The following GTF2IRD1 variants were observed in gnomAD, a reference collection of about 807,000 sequenced individuals.
GTF2IRD1 encodes general transcription factor II-I repeat domain-containing protein 1.
GTF2IRD1 carries 26 observed loss-of-function variants against 113.2 expected under a neutral mutation model. The observed-to-expected ratio is 0.23, with a 90% CI of 0.17 to 0.32. The LOEUF (loss-of-function observed/expected upper bound fraction) is 0.32, where lower values mean the gene tolerates loss of function less well. GTF2IRD1 is among the 10% of genes least tolerant of loss of function. The probability of loss-of-function intolerance (pLI) is 1.00; values close to 1 mark genes in which losing one functional copy is unlikely to be tolerated. For synonymous variants in GTF2IRD1, 484 were observed against 529.1 expected, an observed-to-expected ratio of 0.91 and a Z score of 1.17; for missense variants, 864 against 1,280.8, an observed-to-expected ratio of 0.67 and a Z score of 4.97.
chr7:74,466,501 G>A (rs1292037198), intron 1 of GTF2IRD1, among the ~76,000 whole-genome samples: 1 of 152,158 alleles, frequency 6.6e-6, no homozygotes, highest in African/African-American at 2.4e-5. Context: ...CAGCCACGAT[G>A]AGCCTCATCG....
At chr7:74,543,872 C>CAAAAAAAAAAAAAAAA (rs782039486) in intron 14 of GTF2IRD1, among the ~76,000 whole-genome samples, 1 of 34,590 alleles carries the variant, frequency 2.9e-5, no homozygotes, top group Non-Finnish European at 6.2e-5. Flanking sequence ...CCCATCTCTA[C>CAAAAAAAAAAAAAAAA]AAAAAAAAAA....
At chr7:74,487,937 C>G (rs1224284294) in intron 1 of GTF2IRD1, among the ~76,000 whole-genome samples, 1 of 152,080 alleles carries the variant, frequency 6.6e-6, no homozygotes, top group Non-Finnish European at 1.5e-5. Context: ...TGTGCCTCCT[C>G]AAACATCATG....
At chr7:74,542,550 G>A (rs1798692130) in intron 14 of GTF2IRD1, among the ~76,000 whole-genome samples, 1 of 152,216 alleles carries the variant, frequency 6.6e-6, no homozygotes, top group Non-Finnish European at 1.5e-5. Flanking sequence ...GCAGTGTTAG[G>A]CAAAATGATT....
At chr7:74,497,068 G>A (rs1795777474) in intron 1 of GTF2IRD1, among the ~76,000 whole-genome samples, 1 of 152,018 alleles carries the variant, frequency 6.6e-6, no homozygotes, top group African/African-American at 2.4e-5. Context: ...AGGCTGAGGT[G>A]GGAAGATGGC....
intron 1 of GTF2IRD1, among the ~76,000 whole-genome samples, chr7:74,472,592 C>CA (rs1165905163): frequency 8.6e-5 from 13 of 151,434 alleles, no homozygotes; most frequent in Non-Finnish European, 1.3e-4. Flanking sequence ...ATTAAAAATA[C>CA]AAAAAAAAAT....
intron 1 of GTF2IRD1, among the ~76,000 whole-genome samples, chr7:74,489,492 A>G (rs1554336249): frequency 6.6e-6 from 1 of 152,030 alleles, no homozygotes; most frequent in Non-Finnish European, 1.5e-5. Context: ...ACAGGCATGT[A>G]CCACCACACC....
intron 22 of GTF2IRD1, among the ~76,000 whole-genome samples, chr7:74,564,119 C>T (rs778424127): frequency 7.2e-5 from 11 of 152,172 alleles, no homozygotes; most frequent in Middle Eastern, 3.4e-3. Flanking sequence ...CTCCACCTCC[C>T]GAGTTCAAGC....
intron 21 of GTF2IRD1, 89 bp downstream of exon 21, chr7:74,559,133 T>C: frequency 4.1e-6 from 5 of 1,226,990 alleles, no homozygotes; most frequent in Non-Finnish European, 5.8e-6. Flanking sequence ...CCCTAGGTCC[T>C]GCCCTCCCCC....
At chr7:74,531,731 A>G (rs1208686072) in intron 9 of GTF2IRD1, among the ~76,000 whole-genome samples, 1 of 152,054 alleles carries the variant, frequency 6.6e-6, no homozygotes, top group African/African-American at 2.4e-5. Context: ...AAGAAAAAAA[A>G]AAAGTGGGGG....
At chr7:74,598,843 A>G (rs1173012180) in intron 25 of GTF2IRD1, among the ~76,000 whole-genome samples, 1 of 151,964 alleles carries the variant, frequency 6.6e-6, no homozygotes, top group Non-Finnish European at 1.5e-5. Context: ...TCCCACAAAA[A>G]TCCCTCTGAC....
At chr7:74,521,426 T>G in intron 7 of GTF2IRD1, 129 bp downstream of exon 7, 1 of 677,556 alleles carries the variant, frequency 1.5e-6, no homozygotes, top group Non-Finnish European at 2.7e-6. Context: ...CTCAAGGGGC[T>G]GCAAGTAAAC....
In GTF2IRD1 at chr7:74,521,252, C is replaced by G. The variant is rs1314935908; in HGVS notation, c.961C>G (p.His321Asp). Residue 321 changes from histidine (H) to aspartate (D), a missense_variant, in exon 7 of 27, where the codon CAT (histidine) becomes GAT (aspartate). Physicochemically the swap from His to Asp is moderately conservative, Grantham distance 81. This residue lies in a region of GTF2IRD1 where 195 missense variants were observed against 196.6 expected (regional missense o/e 0.99). Transcript: ENST00000424337. ...GPGGPLIQNV[H>D]ASKRILFSIV... ...TGGTGGGCCTCTCATCCAGAACGTC[C>G]ATGCCTCCAAGCGCATTCTCTTCTC... is the stretch of plus-strand genomic sequence containing the variant. 1.9e-6 allele frequency: 3 copies of G among 1,611,922 alleles called. No individual in the cohort carries two copies. The highest frequency in any genetic ancestry group is 2.5e-6 in the Non-Finnish European group (3 of 1,178,418).
At chr7:74,584,965 C>G (rs1801631006) in intron 22 of GTF2IRD1, among the ~76,000 whole-genome samples, 1 of 152,036 alleles carries the variant, frequency 6.6e-6, no homozygotes, top group South Asian at 2.1e-4. Flanking sequence ...CCACGCCTGG[C>G]TAAATTTTGT....
chr7:74,498,874 G>A (rs376075692), intron 1 of GTF2IRD1, among the ~76,000 whole-genome samples: 146 of 152,012 alleles, frequency 9.6e-4, no homozygotes, highest in African/African-American at 2.7e-3. Context: ...GACTATAGGC[G>A]TGTACCACCA....
At chr7:74,495,322 C>A (rs989183654) in intron 1 of GTF2IRD1, among the ~76,000 whole-genome samples, 10 of 152,194 alleles carry the variant, frequency 6.6e-5, no homozygotes, top group Non-Finnish European at 1.5e-4. Flanking sequence ...CAGAATCTGA[C>A]TGCAGTCTGT....
intron 8 of GTF2IRD1, among the ~76,000 whole-genome samples, chr7:74,525,022 G>C (rs1157558416): frequency 6.6e-6 from 1 of 152,126 alleles, no homozygotes; most frequent in South Asian, 2.1e-4. Flanking sequence ...GGGTGACAGA[G>C]CGAGACCCTA....
At chr7:74,535,636 G>A (rs1245018081) in intron 10 of GTF2IRD1, among the ~76,000 whole-genome samples, 3 of 152,132 alleles carry the variant, frequency 2.0e-5, no homozygotes, top group African/African-American at 4.8e-5. Context: ...GGCTCTTCCC[G>A]GGGTAGCAAA....
At chr7:74,520,784 A>G (rs1797239138) in intron 6 of GTF2IRD1, among the ~76,000 whole-genome samples, 1 of 149,206 alleles carries the variant, frequency 6.7e-6, no homozygotes, top group Admixed American at 6.7e-5. Context: ...AAAAAAAAAA[A>G]AAAAAAGCGT....
intron 1 of GTF2IRD1, among the ~76,000 whole-genome samples, chr7:74,475,211 C>T (rs946305009): frequency 3.9e-5 from 6 of 152,278 alleles, no homozygotes; most frequent in African/African-American, 1.2e-4. Flanking sequence ...GCTATGATCA[C>T]GCCATTGCGA....
Sources: gnomAD v4.1 joint callset for allele counts (sites outside exome capture counted in the v4.1 genomes callset) on GRCh38, gnomAD v4.1.1 for gene constraint, gnomAD v4.1.1 regional missense constraint, MANE v1.5 for transcripts, NCBI Gene and HGNC (gene_info 2026-07-23, HGNC 2026-07-21) for gene names.